The following MAP7 variants were observed in gnomAD, a reference collection of about 807,000 sequenced individuals.
MAP7 encodes the protein ensconsin.
MAP7 carries 52 observed loss-of-function variants against 94.8 expected under a neutral mutation model. The ratio of observed to expected loss-of-function variants is 0.55; its 90% CI spans 0.44 to 0.69. The LOEUF (loss-of-function observed/expected upper bound fraction) is 0.69, where lower values mean the gene tolerates loss of function less well. MAP7 is among the 30% of genes least tolerant of loss of function. The pLI, the probability that MAP7 is intolerant of heterozygous loss-of-function variation, is 0.00. For synonymous variants in MAP7, 350 were observed against 357.0 expected (o/e 0.98, Z 0.22); for missense variants, 940 against 964.6 (o/e 0.97, Z 0.34).
At chr6:136,549,485 G>C (rs1829972124) in intron 1 of MAP7, among the ~76,000 whole-genome samples, 1 of 152,118 alleles carries the variant, frequency 6.6e-6, no homozygotes, top group Admixed American at 6.6e-5. Flanking sequence ...GAGATGGGCG[G>C]GGTTGGGAAG....
intron 2 of MAP7, chr6:136,419,942 A>G (rs941985417): frequency 1.6e-6 from 1 of 634,568 alleles, no homozygotes; most frequent in African/African-American, 1.8e-5. Flanking sequence ...TCTTCCTCTG[A>G]TAGCTATAAC....
chr6:136,380,703 A>C (rs1404760846), intron 6 of MAP7, among the ~76,000 whole-genome samples: 1 of 152,264 alleles, frequency 6.6e-6, no homozygotes, highest in Non-Finnish European at 1.5e-5. Flanking sequence ...GCAATTACAG[A>C]AACCTTTCAT....
chr6:136,512,248 A>G (rs1583107588), intron 1 of MAP7, among the ~76,000 whole-genome samples: 1 of 152,326 alleles, frequency 6.6e-6, no homozygotes, highest in East Asian at 1.9e-4. Flanking sequence ...CTTATGAGGA[A>G]CCAGATTTGG....
intron 1 of MAP7, among the ~76,000 whole-genome samples, chr6:136,426,084 C>T (rs1351942171): frequency 6.6e-6 from 1 of 152,152 alleles, no homozygotes; most frequent in Non-Finnish European, 1.5e-5. Context: ...CTAGTATGGC[C>T]TGAAATACTA....
At chr6:136,364,223 T>C in intron 10 of MAP7, 2 of 540,778 alleles carry the variant, frequency 3.7e-6, no homozygotes, top group South Asian at 2.8e-5. Flanking sequence ...ATAAGATCAA[T>C]GCCCTCATTA....
At chr6:136,447,107 T>G (rs1300290094) in intron 1 of MAP7, among the ~76,000 whole-genome samples, 1 of 152,196 alleles carries the variant, frequency 6.6e-6, no homozygotes, top group East Asian at 1.9e-4. Flanking sequence ...TGTATCATGG[T>G]TTTAACAACA....
intron 1 of MAP7, among the ~76,000 whole-genome samples, chr6:136,440,208 A>T (rs1208326065): frequency 1.3e-5 from 2 of 152,248 alleles, no homozygotes; most frequent in African/African-American, 4.8e-5. Flanking sequence ...TTTAATGAGC[A>T]GTCACTGTTC....
chr6:136,435,886 C>A (rs555290646), intron 1 of MAP7, among the ~76,000 whole-genome samples: 2 of 152,248 alleles, frequency 1.3e-5, no homozygotes, highest in African/African-American at 4.8e-5. Context: ...GGGTGAATAA[C>A]TATACACATG....
chr6:136,411,635 G>A lies in MAP7; in HGVS notation c.229C>T (p.Arg77Trp), dbSNP rs763941595. 1.1e-5 allele frequency: 17 copies of A among 1,561,414 alleles called. No homozygotes were observed. The highest frequency in any genetic ancestry group is 9.4e-5 in the Admixed American group (5 of 53,092). The change falls in exon 3 of 18, where the codon CGG becomes TGG. Residue 77 changes from arginine (R) to tryptophan (W), a missense_variant. Coordinates refer to ENST00000354570, the MANE Select transcript of MAP7 (RefSeq NM_003980.6). ...CCTGGGGTACCTAGCTGTTTCTCCC[G>A]TTCCTCACGTCGCTCCCGGGCCAGC... is the stretch of plus-strand genomic sequence containing the variant. The part of the protein sequence containing the change: ...QRLARERREE[R>W]EKQLAAREIV...
chr6:136,396,558 C>T (rs1782559432), intron 3 of MAP7, among the ~76,000 whole-genome samples: 1 of 152,028 alleles, frequency 6.6e-6, no homozygotes, highest in African/African-American at 2.4e-5. Context: ...TTTCTCTTGC[C>T]TAATTGCTCT....
chr6:136,411,520 CT>C, intron 3 of MAP7, 99 bp downstream of exon 3: 1 of 970,260 alleles, frequency 1.0e-6, no homozygotes, highest in Non-Finnish European at 1.6e-6. Context: ...TAAATTCTGC[CT>C]CATAGTCCAT....
At chr6:136,420,404 C>G in intron 2 of MAP7, 1 of 533,486 alleles carries the variant, frequency 1.9e-6, no homozygotes, top group South Asian at 2.4e-5. Flanking sequence ...GGGAACTCAG[C>G]TACCAGGTCC....
intron 1 of MAP7, among the ~76,000 whole-genome samples, chr6:136,523,158 G>T (rs1414615353): frequency 6.6e-6 from 1 of 152,212 alleles, no homozygotes; most frequent in Non-Finnish European, 1.5e-5. Flanking sequence ...CAACATTTAA[G>T]TGGAAAAGGT....
At chr6:136,344,930 C>A (rs1187331148) in intron 17 of MAP7, among the ~76,000 whole-genome samples, 1 of 152,220 alleles carries the variant, frequency 6.6e-6, no homozygotes, top group Non-Finnish European at 1.5e-5. Context: ...AATTTGCCCA[C>A]AAATAATTCT....
At chr6:136,442,859 G>C (rs779372997) in intron 1 of MAP7, among the ~76,000 whole-genome samples, 2 of 152,060 alleles carry the variant, frequency 1.3e-5, no homozygotes, top group Non-Finnish European at 2.9e-5. Context: ...TCCACAAAAG[G>C]GTTTTAACAG....
intron 7 of MAP7, among the ~76,000 whole-genome samples, chr6:136,375,073 C>T (rs1435430652): frequency 6.6e-6 from 1 of 151,966 alleles, no homozygotes; most frequent in East Asian, 1.9e-4. Flanking sequence ...TAATTGAACT[C>T]GTTCAGGATT....
rs1302726176 is a variant in MAP7 at position 136,362,791 on chromosome 6, GA to G, written c.1274-90del. 4 of 1,490,530 alleles carry G rather than the reference GA, an allele frequency of 2.7e-6. No homozygotes were observed. In the East Asian group the frequency reaches 9.1e-5, roughly 34 times the overall value. 92.3% of individuals were successfully genotyped at this position (1,490,530 alleles called of 1,614,324 possible). On this transcript the variant is annotated intron_variant, in intron 10 of 17. Coordinates refer to ENST00000354570, the MANE Select transcript of MAP7 (RefSeq NM_003980.6). The stretch of plus-strand genomic sequence containing the variant: ...TAGCATTCCCCACATCCAAGGCCTA[GA>G]ATTTACCATTATGAAAGAAAAGGGA...
intron 6 of MAP7, among the ~76,000 whole-genome samples, chr6:136,380,027 G>GT (rs1035234160): frequency 5.9e-5 from 9 of 152,058 alleles, no homozygotes; most frequent in Admixed American, 2.0e-4. Context: ...TTGTTAGTTT[G>GT]TTTTTTTCCC....
intron 1 of MAP7, among the ~76,000 whole-genome samples, chr6:136,505,808 T>C (rs563468446): frequency 2.0e-5 from 3 of 152,242 alleles, no homozygotes; most frequent in South Asian, 2.1e-4. Flanking sequence ...AATTTATATA[T>C]AGGACTTATT....
Sources: allele counts gnomAD v4.1 joint callset (sites outside exome capture counted in the v4.1 genomes callset), GRCh38; gene constraint gnomAD v4.1.1; transcripts MANE v1.5; gene names NCBI Gene and HGNC (gene_info 2026-07-23, HGNC 2026-07-21).